ABCC5: variants seen among roughly 807,000 people sequenced by gnomAD.
The protein encoded by ABCC5 is ATP binding cassette subfamily C member 5, also known as ATP-binding cassette sub-family C member 5.
Under a neutral mutation model 160.9 loss-of-function variants are expected in ABCC5, and 61 were observed. That is an observed-to-expected ratio of 0.38 (90% confidence interval 0.31 to 0.47). ABCC5 has a LOEUF of 0.47. Ranked by LOEUF, ABCC5 falls within the 20% of genes least tolerant of loss-of-function variation. The pLI is 0.99. For missense variants in ABCC5, 1,308 were observed against 1,813.3 expected, an observed-to-expected ratio of 0.72 and a Z score of 5.06; for synonymous variants, 666 against 700.6, an observed-to-expected ratio of 0.95 and a Z score of 0.78.
chr3:183,993,899 G>T (rs1305625519), intron 2 of ABCC5, among the ~76,000 whole-genome samples: 4 of 150,928 alleles, frequency 2.7e-5, no homozygotes, highest in Non-Finnish European at 5.9e-5. Context: ...ATCACTACTA[G>T]AACTGTAATT....
intron 11 of ABCC5, among the ~76,000 whole-genome samples, chr3:183,968,786 G>A (rs2108830812): frequency 6.6e-6 from 1 of 152,326 alleles, no homozygotes; most frequent in South Asian, 2.1e-4. Flanking sequence ...CATGGATTCT[G>A]GAGGCAGATG....
intron 5 of ABCC5, chr3:183,986,928 C>T (rs1337609229): frequency 6.6e-6 from 1 of 152,032 alleles, no homozygotes; most frequent in Non-Finnish European, 1.5e-5. Flanking sequence ...TAACAAGAGG[C>T]ATCAAACGTT....
At chr3:183,954,869 C>A (rs1715721407) in intron 17 of ABCC5, among the ~76,000 whole-genome samples, 1 of 152,064 alleles carries the variant, frequency 6.6e-6, no homozygotes, top group Non-Finnish European at 1.5e-5. Context: ...AGACATCAAT[C>A]AATATAAGTG....
At chr3:184,007,551 C>A (rs139951961) in intron 2 of ABCC5, among the ~76,000 whole-genome samples, 1 of 152,078 alleles carries the variant, frequency 6.6e-6, no homozygotes, top group Admixed American at 6.6e-5. Context: ...CATGCCCAGG[C>A]GCAGTGGCTC....
At chr3:183,941,374 C>T (rs1415966896) in intron 25 of ABCC5, among the ~76,000 whole-genome samples, 2 of 152,096 alleles carry the variant, frequency 1.3e-5, no homozygotes, top group Non-Finnish European at 2.9e-5. Context: ...CCCTGCTTGG[C>T]TAAAGATTCC....
rs149413197 is a variant in ABCC5, at chr3:183,953,304, G to A, written c.2483-34C>T. 583 of 1,562,096 alleles carry A rather than the reference G, an allele frequency of 3.7e-4. 2 individuals carry two copies. The African/African-American group carries it at 6.8e-3, about 18-fold the overall frequency. ...GAAAAAAAGAAACATGGACTCAGAA[G>A]GGAAGAACTATTTCCATAAAACTAA... On this transcript the variant is annotated intron_variant, in intron 17 of 29. Transcript: ENST00000334444.
At chr3:184,011,005 G>A (rs1213072616) in intron 2 of ABCC5, among the ~76,000 whole-genome samples, 1 of 152,036 alleles carries the variant, frequency 6.6e-6, no homozygotes, top group Non-Finnish European at 1.5e-5. Context: ...GCCTCCCAAA[G>A]TGCTAGGATT....
chr3:183,954,494 C>G (rs1715683638), intron 17 of ABCC5, among the ~76,000 whole-genome samples: 2 of 152,148 alleles, frequency 1.3e-5, no homozygotes, highest in African/African-American at 4.8e-5. Context: ...GTGTGGAAGA[C>G]AGGTTCAAAA....
intron 25 of ABCC5, among the ~76,000 whole-genome samples, chr3:183,940,485 A>AG (rs1560477997): frequency 1.4e-5 from 2 of 144,164 alleles, no homozygotes; most frequent in African/African-American, 2.6e-5. Flanking sequence ...AAAAAAAAAA[A>AG]AAATGAATGA....
chr3:183,966,365 C>A (rs1717218390), intron 12 of ABCC5, among the ~76,000 whole-genome samples: 1 of 152,208 alleles, frequency 6.6e-6, no homozygotes, highest in Non-Finnish European at 1.5e-5. Flanking sequence ...GCACTTCTGG[C>A]TGCTGCACAA....
At chr3:183,999,816 T>G (rs1263856289) in intron 2 of ABCC5, among the ~76,000 whole-genome samples, 1 of 151,762 alleles carries the variant, frequency 6.6e-6, no homozygotes, top group Non-Finnish European at 1.5e-5. Flanking sequence ...CTAACCAGAT[T>G]GGAGATGAAT....
At chr3:183,940,950 C>T (rs905380490) in intron 25 of ABCC5, among the ~76,000 whole-genome samples, 1 of 152,126 alleles carries the variant, frequency 6.6e-6, no homozygotes, top group African/African-American at 2.4e-5. Context: ...CCTCCGCCTC[C>T]TGGGTTCAAG....
At position 183,988,044 on chromosome 3, in the gene ABCC5, T is replaced by C. The variant is rs1719386019; in HGVS notation, c.444-127A>G. On this transcript the variant is annotated intron_variant, in intron 4 of 29. Coordinates refer to ENST00000334444, the MANE Select transcript of ABCC5 (RefSeq NM_005688.4). The surrounding 1 kb of genome is among the most constrained non-coding windows in gnomAD (Gnocchi z 4.4). ...CACACAAGTCTCTCCTTTAAAATTATGTACATAGTCTTCACCTTCTGGGAA... is the reference window on the plus strand; with the variant it reads ...CACACAAGTCTCTCCTTTAAAATTACGTACATAGTCTTCACCTTCTGGGAA... 9.6e-7 allele frequency: 1 copy of C among 1,039,278 alleles called. No individual in the cohort carries two copies. The highest frequency in any genetic ancestry group is 1.4e-6 in the Non-Finnish European group (1 of 708,218). The allele number at this position is 1,039,278 out of a possible 1,614,324, so 64.4% of individuals were successfully genotyped here. A position where few individuals can be genotyped will look rare whatever the true frequency, so the allele number is the denominator to read the frequency against.
intron 29 of ABCC5, among the ~76,000 whole-genome samples, chr3:183,923,327 A>C (rs957815651): frequency 1.3e-5 from 2 of 152,160 alleles, no homozygotes; most frequent in African/African-American, 4.8e-5. Flanking sequence ...TTGTGTTCTT[A>C]AGAAAAAATT....
intron 2 of ABCC5, among the ~76,000 whole-genome samples, chr3:183,991,288 C>T (rs774696327): frequency 6.7e-6 from 1 of 149,718 alleles, no homozygotes; most frequent in Non-Finnish European, 1.5e-5. Flanking sequence ...CAGAGCAAGA[C>T]TCTGTCTCTA....
intron 10 of ABCC5, among the ~76,000 whole-genome samples, chr3:183,975,752 T>C (rs1000411306): frequency 1.2e-4 from 18 of 151,472 alleles, no homozygotes; most frequent in Admixed American, 9.2e-4. Flanking sequence ...TAAAGTCTCA[T>C]GGGGCATCAA....
intron 2 of ABCC5, among the ~76,000 whole-genome samples, chr3:184,005,612 C>T (rs770731344): frequency 1.4e-4 from 18 of 125,844 alleles, no homozygotes; most frequent in African/African-American, 2.8e-4. Context: ...GAGGGAAAAA[C>T]GGTAAGACAT....
Position 183,949,614 on chromosome 3 carries a change from A to G in ABCC5, c.3227+139T>C. 2.7e-6 allele frequency: 3 copies of G among 1,128,144 alleles called. No individual in the cohort carries two copies. The highest frequency in any genetic ancestry group is 3.7e-6 in the Non-Finnish European group (3 of 813,994). The allele number at this position is 1,128,144 out of a possible 1,614,324, so 69.9% of individuals were successfully genotyped here. On this transcript the variant is annotated intron_variant, in intron 22 of 29. Transcript: ENST00000334444. This position sits in a 1 kb window ranked among gnomAD's most constrained non-coding sequence, Gnocchi z 4.2. ...CCAAGCAATTGGATTTTAATCAGAG[A>G]TTATTCCATTAAATCATGAATACCC...
In ABCC5 at chr3:183,921,763, C is replaced by T. The variant is rs1241758814; in HGVS notation, c.4213-362G>A. Among the ~76,000 whole-genome samples, 4 of 152,106 alleles carry T rather than the reference C, an allele frequency of 2.6e-5. No individual in the cohort carries two copies. The highest frequency in any genetic ancestry group is 2.0e-4 in the Admixed American group (3 of 15,278). On this transcript the variant is annotated intron_variant, in intron 29 of 29. Coordinates refer to ENST00000334444, the MANE Select transcript of ABCC5 (RefSeq NM_005688.4). This position sits in a 1 kb window ranked among gnomAD's most constrained non-coding sequence, Gnocchi z 4.1. Reference sequence around the variant, plus strand: ...TCTATAAACTGCAGGAGGCTGGTGGCTCACGCCTGTAATCTCAACACTTTG... The same window carrying T: ...TCTATAAACTGCAGGAGGCTGGTGGTTCACGCCTGTAATCTCAACACTTTG...
Sources: gnomAD v4.1 joint callset for allele counts (sites outside exome capture counted in the v4.1 genomes callset) on GRCh38, gnomAD v4.1.1 for gene constraint, Gnocchi (gnomAD v3.1) non-coding constraint, MANE v1.5 for transcripts, NCBI Gene and HGNC (gene_info 2026-07-23, HGNC 2026-07-21) for gene names.